RAD54B: variants seen among roughly 807,000 people sequenced by gnomAD.
RAD54B encodes the protein RAD54 homolog B.
In RAD54B, 78 loss-of-function variants were observed where a neutral mutation model predicts 95.8. The ratio of observed to expected loss-of-function variants is 0.81; its 90% CI spans 0.68 to 0.98. RAD54B has a LOEUF of 0.98. RAD54B is among the 50% of genes least tolerant of loss of function. The pLI is 0.00. For missense variants in RAD54B, 957 were observed against 1,056.6 expected, an observed-to-expected ratio of 0.91 and a Z score of 1.31; for synonymous variants, 328 against 354.9, an observed-to-expected ratio of 0.92 and a Z score of 0.85.
At chr8:94,431,663 T>A in intron 3 of RAD54B, 1 of 973,484 alleles carries the variant, frequency 1.0e-6, no homozygotes, top group Non-Finnish European at 1.2e-6. Context: ...ATCTCTAAAA[T>A]CCTAGGATTT....
chr8:94,442,690 G>C (rs1026394321), intron 3 of RAD54B, among the ~76,000 whole-genome samples: 1 of 151,016 alleles, frequency 6.6e-6, no homozygotes, highest in Non-Finnish European at 1.5e-5. Context: ...CAAAACAGAA[G>C]AATTGGGATG....
chr8:94,430,079 C>T (rs942282937), intron 3 of RAD54B: 3 of 925,056 alleles, frequency 3.2e-6, no homozygotes, highest in South Asian at 5.0e-5. Context: ...TTTGGGAGGC[C>T]GAGGCGGGCA....
chr8:94,450,498 A>G (rs968647558), intron 3 of RAD54B, among the ~76,000 whole-genome samples: 4 of 152,250 alleles, frequency 2.6e-5, no homozygotes, highest in African/African-American at 9.6e-5. Flanking sequence ...GATGGGGCTA[A>G]AAGAGTCATA....
intron 8 of RAD54B, among the ~76,000 whole-genome samples, chr8:94,394,539 A>G (rs1811098461): frequency 6.6e-6 from 1 of 152,212 alleles, no homozygotes; most frequent in Non-Finnish European, 1.5e-5. Context: ...AATGGCACCT[A>G]TTATTACTAC....
At chr8:94,417,333 A>AAC in intron 3 of RAD54B, among the ~76,000 whole-genome samples, 1 of 152,176 alleles carries the variant, frequency 6.6e-6, no homozygotes, top group South Asian at 2.1e-4. Flanking sequence ...TGATGGTTGC[A>AAC]CATTAACTGT....
intron 1 of RAD54B, among the ~76,000 whole-genome samples, chr8:94,472,730 G>A (rs1813200690): frequency 6.6e-6 from 1 of 152,006 alleles, no homozygotes; most frequent in African/African-American, 2.4e-5. Flanking sequence ...CTTAACTTTG[G>A]GGAAGCTATT....
intron 9 of RAD54B, among the ~76,000 whole-genome samples, chr8:94,392,354 C>A (rs1161523419): frequency 1.3e-5 from 2 of 152,072 alleles, no homozygotes; most frequent in Non-Finnish European, 1.5e-5. Context: ...CTCCACCTCC[C>A]GGGTTCAAGG....
At chr8:94,400,575 A>C (rs1811246223) in intron 6 of RAD54B, 112 bp from the exon 7 acceptor site, 1 of 796,210 alleles carries the variant, frequency 1.3e-6, no homozygotes. Flanking sequence ...GACTTTTAGT[A>C]CTTCATTAGC....
At chr8:94,426,598 C>A (rs1041641540) in intron 3 of RAD54B, among the ~76,000 whole-genome samples, 1 of 152,054 alleles carries the variant, frequency 6.6e-6, no homozygotes, top group Non-Finnish European at 1.5e-5. Flanking sequence ...AAAACAGAAA[C>A]AAAGTATGCA....
intron 14 of RAD54B, 131 bp downstream of exon 14, chr8:94,378,049 G>C (rs1563633575): frequency 1.8e-6 from 1 of 563,034 alleles, no homozygotes; most frequent in African/African-American, 2.0e-5. Flanking sequence ...GCTGCCCTAT[G>C]AGCTGAGAAA....
chr8:94,402,286 C>T lies in RAD54B; in HGVS notation c.944+1791G>A, dbSNP rs1237948568. 2.0e-5 allele frequency among the ~76,000 whole-genome samples: 3 copies of T among 149,796 alleles called. No individual in the cohort carries two copies. In the Middle Eastern group the frequency reaches 0.01, roughly 513 times the overall value. ...TTTTTCCTCTCCAGACGGAGTCTTGCTCTGTCATCCAGGCTGGAGTGCAGT... is the reference window on the plus strand; with the variant it reads ...TTTTTCCTCTCCAGACGGAGTCTTGTTCTGTCATCCAGGCTGGAGTGCAGT... On this transcript the variant is annotated intron_variant, in intron 6 of 14. Transcript: ENST00000336148.
rs369676651 is a variant in RAD54B, at chr8:94,426,775, T to C, written c.305-15460A>G. 2.9e-4 allele frequency among the ~76,000 whole-genome samples: 44 copies of C among 152,306 alleles called. 1 individual carries two copies. The South Asian group carries it at 8.7e-3, about 30-fold the overall frequency. ...TCTAATTCTTGACAGAGGTTTGAGCTACACAGTTGTAGATCAAAACTCACC... is the reference window on the plus strand; with the variant it reads ...TCTAATTCTTGACAGAGGTTTGAGCCACACAGTTGTAGATCAAAACTCACC... On this transcript the variant is annotated intron_variant, in intron 3 of 14. Transcript: ENST00000336148.
intron 8 of RAD54B, among the ~76,000 whole-genome samples, chr8:94,398,481 A>T (rs1441279004): frequency 6.6e-6 from 1 of 151,826 alleles, no homozygotes; most frequent in Non-Finnish European, 1.5e-5. Context: ...TTTTGGTCAT[A>T]CTCCTTCTCT....
intron 3 of RAD54B, among the ~76,000 whole-genome samples, chr8:94,415,453 A>T (rs1811639526): frequency 6.6e-6 from 1 of 150,936 alleles, no homozygotes; most frequent in Admixed American, 6.6e-5. Flanking sequence ...GGACACAGGC[A>T]TGGGCAAGGA....
intron 3 of RAD54B, chr8:94,429,521 G>A (rs777874208): frequency 6.2e-5 from 61 of 984,394 alleles, no homozygotes; most frequent in Non-Finnish European, 7.1e-5. Context: ...TCAATTCTTA[G>A]TAGCATGCTG....
rs756687014 is a variant in RAD54B, at chr8:94,372,173, T to C, written c.2730A>G (p.Thr910=). The change falls in exon 15 of 15, where the codon ACA becomes ACG. Residue 910 remains threonine, a synonymous_variant. Coordinates refer to ENST00000336148, the MANE Select transcript of RAD54B (RefSeq NM_012415.3). ...FQNITTQATG[T] is the part of the protein sequence containing the mutation. ...GAATGTCAGAAGTAATCTTTCACTA[T>C]GTGCCAGTAGCTTGAGTGGTTATAT... is the stretch of plus-strand genomic sequence containing the variant. The C allele has an allele frequency of 1.3e-6, 2 of 1,598,486 alleles. No homozygotes were observed. Among genetic ancestry groups the C allele is most frequent in the Non-Finnish European group, 1.7e-6 (2 of 1,175,966 alleles).
intron 3 of RAD54B, among the ~76,000 whole-genome samples, chr8:94,422,606 AAAAAAAAAAAAATATATATATATAT>A (rs1260641088): frequency 2.0e-5 from 2 of 101,020 alleles, no homozygotes; most frequent in Admixed American, 1.0e-4. Context: ...AAAAAAAAAA[AAAAAAAAAAAAATATATATATATAT>A]ATATATATAT....
chr8:94,461,262 T>C lies in RAD54B; in HGVS notation c.136-2826A>G, dbSNP rs2919655. 7.1e-3 allele frequency among the ~76,000 whole-genome samples: 973 copies of C among 137,870 alleles called. 15 individuals are homozygous for C. Among genetic ancestry groups the C allele is most frequent in the African/African-American group, 0.026 (926 of 35,534 alleles). The allele number at this position is 137,870 out of a possible 152,430, so 90.4% of individuals were successfully genotyped here. On this transcript the variant is annotated intron_variant, in intron 2 of 14. Transcript: ENST00000336148. ...ATCTCGGCTCACTGCAACCTCCGCC[T>C]CCCAGGTTCAAGCAATTCTCCTGCC...
At chr8:94,374,196 G>A (rs1396353538) in intron 14 of RAD54B, among the ~76,000 whole-genome samples, 3 of 151,872 alleles carry the variant, frequency 2.0e-5, no homozygotes, top group South Asian at 2.1e-4. Flanking sequence ...GGAGAATGGC[G>A]TTAACCCGGG....
Sources: allele counts gnomAD v4.1 joint callset (sites outside exome capture counted in the v4.1 genomes callset), GRCh38; gene constraint gnomAD v4.1.1; transcripts MANE v1.5; gene names NCBI Gene and HGNC (gene_info 2026-07-23, HGNC 2026-07-21).